Variants in RANBP2 observed in about 807,000 individuals in gnomAD.
RANBP2 encodes RAN binding protein 2.
A neutral mutation model predicts 303.6 loss-of-function variants in RANBP2; 57 were observed. The observed-to-expected ratio is 0.19, with a 90% CI of 0.15 to 0.23. The LOEUF (loss-of-function observed/expected upper bound fraction) is 0.23, where lower values mean the gene tolerates loss of function less well. Among genes scored for constraint, RANBP2 ranks in the 10% least tolerant of loss-of-function variants. RANBP2 has a pLI of 1.00. For missense variants in RANBP2, 3,138 were observed against 3,780.8 expected (o/e 0.83, Z 4.46); for synonymous variants, 1,167 against 1,301.5 (o/e 0.90, Z 2.23).
chr2:108,824,850 T>C, the RANBP2 span, among the ~76,000 whole-genome samples: 17 of 152,290 alleles, frequency 1.1e-4, no homozygotes, highest in Admixed American at 1.1e-3. Flanking sequence ...CACTAAGTGA[T>C]AGGAATTTTT....
the RANBP2 span, among the ~76,000 whole-genome samples, chr2:109,088,259 T>C: frequency 6.6e-6 from 1 of 151,750 alleles, no homozygotes; most frequent in Admixed American, 6.6e-5. Context: ...TAGCCAGGCA[T>C]GGTGGCGCGC....
the RANBP2 span, among the ~76,000 whole-genome samples, chr2:109,660,442 TTTTA>T: frequency 6.6e-6 from 1 of 152,250 alleles, no homozygotes; most frequent in African/African-American, 2.4e-5. Context: ...AAATCTCTGC[TTTTA>T]TTGCTTCATT....
At chr2:108,836,936 A>G in the RANBP2 span, among the ~76,000 whole-genome samples, 195 of 151,776 alleles carry the variant, frequency 1.3e-3, 6 homozygotes, top group South Asian at 0.039. Context: ...TGCTGAATTT[A>G]TGTATTCTTT....
the RANBP2 span, among the ~76,000 whole-genome samples, chr2:109,135,901 C>A: frequency 6.6e-6 from 1 of 152,182 alleles, no homozygotes; most frequent in African/African-American, 2.4e-5. Flanking sequence ...CCATAATCTG[C>A]TTTAAAAAAA....
the RANBP2 span, among the ~76,000 whole-genome samples, chr2:109,302,416 A>G: frequency 2.6e-5 from 4 of 152,184 alleles, no homozygotes; most frequent in South Asian, 2.1e-4. Flanking sequence ...AACTGGTGCA[A>G]TCCTGCCATG....
the RANBP2 span, among the ~76,000 whole-genome samples, chr2:108,942,261 C>G: frequency 6.6e-6 from 1 of 152,238 alleles, no homozygotes; most frequent in African/African-American, 2.4e-5. Context: ...GAGCGACTTG[C>G]TAAGGTCACA....
chr2:109,378,721 T>A, the RANBP2 span, among the ~76,000 whole-genome samples: 4 of 152,204 alleles, frequency 2.6e-5, no homozygotes, highest in Non-Finnish European at 2.9e-5. Flanking sequence ...TCTCTACTGC[T>A]GAGGCTATAA....
At chr2:109,643,155 A>G in the RANBP2 span, among the ~76,000 whole-genome samples, 1 of 151,836 alleles carries the variant, frequency 6.6e-6, no homozygotes, top group Non-Finnish European at 1.5e-5. Flanking sequence ...GCATTCTAGC[A>G]TTCCAGCCTG....
At chr2:109,234,969 C>G in the RANBP2 span, among the ~76,000 whole-genome samples, 1 of 152,338 alleles carries the variant, frequency 6.6e-6, no homozygotes, top group Middle Eastern at 3.4e-3. Flanking sequence ...CCTGTTGTCA[C>G]CAGATCCCAA....
Position 108,766,399 on chromosome 2 carries a change from A to G in RANBP2, c.5860A>G (p.Thr1954Ala), listed in dbSNP as rs199671543. ...TFTFADLAKS[T>A]SGEGFQFGKK... is the part of the protein sequence containing the mutation. ...TACATTTGCAGATCTTGCAAAATCA[A>G]CTTCAGGAGAAGGATTTCAGTTTGG... Residue 1954 changes from threonine to alanine, a missense_variant, in exon 20 of 29, where the codon ACT (threonine) becomes GCT (alanine). By Grantham distance (58) the Thr-to-Ala change is moderately conservative. Around this residue, in one of 20 missense-constraint regions of RANBP2, gnomAD observed 348 missense variants for 360.4 expected, o/e 0.97. Coordinates refer to ENST00000283195, the MANE Select transcript of RANBP2 (RefSeq NM_006267.5). 9 of 1,611,858 alleles carry G rather than the reference A, an allele frequency of 5.6e-6. No individual in the cohort carries two copies. The highest frequency in any genetic ancestry group is 2.2e-5 in the South Asian group (2 of 91,002).
At chr2:109,713,679 G>C in the RANBP2 span, among the ~76,000 whole-genome samples, 2 of 152,174 alleles carry the variant, frequency 1.3e-5, no homozygotes, top group Non-Finnish European at 2.9e-5. Flanking sequence ...TGTGCCCAGA[G>C]AGTCCATGAG....
chr2:109,275,595 G>T, the RANBP2 span, among the ~76,000 whole-genome samples: 1 of 152,190 alleles, frequency 6.6e-6, no homozygotes, highest in Non-Finnish European at 1.5e-5. Flanking sequence ...CGCACCCGCC[G>T]TGCTTCTGCC....
the RANBP2 span, chr2:109,564,670 C>T: frequency 8.4e-6 from 6 of 715,802 alleles, no homozygotes; most frequent in South Asian, 4.4e-5. Flanking sequence ...TTAACAGCTA[C>T]GATTATTTTA....
the RANBP2 span, among the ~76,000 whole-genome samples, chr2:109,256,978 C>T: frequency 1.3e-5 from 2 of 152,170 alleles, no homozygotes; most frequent in Non-Finnish European, 2.9e-5. Flanking sequence ...GGGAGTTATT[C>T]CGCCTCTGCT....
chr2:108,876,748 GAA>G, the RANBP2 span, among the ~76,000 whole-genome samples: 1 of 151,866 alleles, frequency 6.6e-6, no homozygotes, highest in East Asian at 1.9e-4. Flanking sequence ...TTGTGGGATA[GAA>G]AAAGTTTTTT....
chr2:108,828,682 T>C, the RANBP2 span, among the ~76,000 whole-genome samples: 1 of 152,148 alleles, frequency 6.6e-6, no homozygotes, highest in Non-Finnish European at 1.5e-5. Flanking sequence ...TTATACGATA[T>C]GTAAAATTTA....
At chr2:108,929,076 G>A in the RANBP2 span, 1 of 1,157,614 alleles carries the variant, frequency 8.6e-7, no homozygotes, top group East Asian at 2.5e-5. Flanking sequence ...ACCAAGGCCA[G>A]GTGTGCGGCT....
the RANBP2 span, among the ~76,000 whole-genome samples, chr2:109,304,083 A>G: frequency 2.4e-4 from 36 of 151,734 alleles, no homozygotes; most frequent in Admixed American, 2.2e-3. Context: ...CCTGGGCAAC[A>G]GGAGCAAAAC....
At chr2:109,666,483 C>CT in the RANBP2 span, among the ~76,000 whole-genome samples, 7 of 152,192 alleles carry the variant, frequency 4.6e-5, no homozygotes, top group African/African-American at 7.2e-5. Flanking sequence ...CAACTTTCAA[C>CT]TTACTAACAA....
Sources: gnomAD v4.1 joint callset for allele counts (sites outside exome capture counted in the v4.1 genomes callset) on GRCh38, gnomAD v4.1.1 for gene constraint, gnomAD v4.1.1 regional missense constraint, MANE v1.5 for transcripts, NCBI Gene and HGNC (gene_info 2026-07-23, HGNC 2026-07-21) for gene names.